Variants in VSNL1 observed in about 807,000 individuals in gnomAD.
VSNL1 encodes visinin like 1.
A neutral mutation model predicts 20.4 loss-of-function variants in VSNL1; 6 were observed. The observed-to-expected ratio is 0.29, with a 90% CI of 0.16 to 0.58. The LOEUF is 0.58. Among genes scored for constraint, VSNL1 ranks in the 20% least tolerant of loss-of-function variants. The pLI is 0.90. For synonymous variants in VSNL1, 93 were observed against 86.4 expected (o/e 1.08, Z -0.42); for missense variants, 100 against 234.5 (o/e 0.43, Z 3.75).
intron 2 of VSNL1, among the ~76,000 whole-genome samples, chr2:17,624,846 T>C (rs1003155648): frequency 2.6e-5 from 4 of 152,312 alleles, no homozygotes; most frequent in Middle Eastern, 3.4e-3. Flanking sequence ...GTCGAGGTAA[T>C]GTGTTACAGC....
chr2:17,633,109 C>T (rs113898340), intron 2 of VSNL1, among the ~76,000 whole-genome samples: 5,685 of 152,156 alleles, frequency 0.037, 386 homozygotes, highest in African/African-American at 0.13. Flanking sequence ...TGGCTGAAGG[C>T]GAATGAGGAG....
chr2:17,592,423 A>G (rs1025994482), intron 2 of VSNL1, among the ~76,000 whole-genome samples, 187 bp downstream of exon 2: 1 of 152,168 alleles, frequency 6.6e-6, no homozygotes, highest in Non-Finnish European at 1.5e-5. Flanking sequence ...AAAATAAGCA[A>G]TTTCTGAACA....
In VSNL1 at chr2:17,577,743, G is replaced by A. The variant is rs1033742224; in HGVS notation, c.-5-14327G>A. On this transcript the variant is annotated intron_variant, in intron 1 of 3. Coordinates refer to ENST00000295156, the MANE Select transcript of VSNL1 (RefSeq NM_003385.5). ...GGACCCCAGAGTTCCCTCACTTGGGGAAAAAAATGTTACATAAAGGCAGCA... is the reference window on the plus strand; with the variant it reads ...GGACCCCAGAGTTCCCTCACTTGGGAAAAAAAATGTTACATAAAGGCAGCA... Among the ~76,000 whole-genome samples, 69 of 152,086 alleles carry A rather than the reference G, an allele frequency of 4.5e-4. 1 individual carries two copies. The highest frequency in any genetic ancestry group is 8.2e-4 in the Non-Finnish European group (56 of 67,990).
intron 2 of VSNL1, among the ~76,000 whole-genome samples, chr2:17,620,465 C>A (rs561909996): frequency 1.3e-5 from 2 of 152,334 alleles, no homozygotes; most frequent in African/African-American, 4.8e-5. Context: ...CCTCCTCATT[C>A]TCAGGGAAGA....
chr2:17,572,174 A>G (rs757697089), intron 1 of VSNL1, among the ~76,000 whole-genome samples: 1 of 152,208 alleles, frequency 6.6e-6, no homozygotes, highest in Non-Finnish European at 1.5e-5. Flanking sequence ...AAATTATACA[A>G]TCTTTCTGTG....
At chr2:17,548,621 G>A (rs1663453934) in intron 1 of VSNL1, among the ~76,000 whole-genome samples, 1 of 152,056 alleles carries the variant, frequency 6.6e-6, no homozygotes, top group Non-Finnish European at 1.5e-5. Context: ...TTCTCCCCCT[G>A]CACACCCCAA....
chr2:17,642,116 A>T (rs980899673), intron 2 of VSNL1, among the ~76,000 whole-genome samples: 1 of 152,106 alleles, frequency 6.6e-6, no homozygotes, highest in African/African-American at 2.4e-5. Context: ...ACACCCAGAT[A>T]CTCTGTCACT....
At chr2:17,547,056 T>G (rs1663420884) in intron 1 of VSNL1, among the ~76,000 whole-genome samples, 3 of 152,068 alleles carry the variant, frequency 2.0e-5, no homozygotes, top group Non-Finnish European at 4.4e-5. Context: ...TTTCCTCATT[T>G]TTAGTTTGTG....
chr2:17,642,107 C>T (rs971098526), intron 2 of VSNL1, among the ~76,000 whole-genome samples: 1 of 152,168 alleles, frequency 6.6e-6, no homozygotes. Context: ...ACCTTAGTCA[C>T]ACCCAGATAC....
At chr2:17,548,149 C>T (rs1174392176) in intron 1 of VSNL1, among the ~76,000 whole-genome samples, 2 of 152,018 alleles carry the variant, frequency 1.3e-5, no homozygotes, top group Non-Finnish European at 2.9e-5. Context: ...AGAAAAGATA[C>T]CTTCCAACTG....
intron 2 of VSNL1, among the ~76,000 whole-genome samples, chr2:17,632,603 A>C (rs1665661712): frequency 6.6e-6 from 1 of 152,166 alleles, no homozygotes; most frequent in South Asian, 2.1e-4. Context: ...CTGGCCAAAC[A>C]ATGATCACTC....
At chr2:17,586,739 A>G (rs1664483209) in intron 1 of VSNL1, among the ~76,000 whole-genome samples, 1 of 152,218 alleles carries the variant, frequency 6.6e-6, no homozygotes, top group South Asian at 2.1e-4. Flanking sequence ...GCCATGGGTC[A>G]TTATTAACCA....
At chr2:17,555,323 C>A (rs532577974) in intron 1 of VSNL1, among the ~76,000 whole-genome samples, 1 of 152,236 alleles carries the variant, frequency 6.6e-6, no homozygotes, top group South Asian at 2.1e-4. Flanking sequence ...CCTGCAATTG[C>A]CCAAAAGTCC....
intron 1 of VSNL1, among the ~76,000 whole-genome samples, chr2:17,544,444 C>T (rs1011455185): frequency 1.3e-5 from 2 of 152,126 alleles, no homozygotes; most frequent in Non-Finnish European, 2.9e-5. Flanking sequence ...CTAAGTGCCC[C>T]GCTTTGGTTT....
intron 1 of VSNL1, among the ~76,000 whole-genome samples, chr2:17,547,330 A>T (rs550931293): frequency 7.9e-5 from 12 of 152,200 alleles, no homozygotes; most frequent in Admixed American, 4.6e-4. Flanking sequence ...AATAATAGTT[A>T]TCCTTATCAT....
rs924723119 is a variant in VSNL1, at chr2:17,545,441, A to ATT, written c.-6+4527_-6+4528dup. On this transcript the variant is annotated intron_variant, in intron 1 of 3. Coordinates refer to ENST00000295156, the MANE Select transcript of VSNL1 (RefSeq NM_003385.5). Reference sequence around the variant, plus strand: ...CTCTTAATAAGTAAAAAGATAAAGTATTTTTACCTATTTACAAGAATAAGA... The same window carrying ATT: ...CTCTTAATAAGTAAAAAGATAAAGTATTTTTTTACCTATTTACAAGAATAAGA... 2.6e-5 allele frequency among the ~76,000 whole-genome samples: 4 copies of ATT among 152,268 alleles called. No homozygotes were observed. In the East Asian group the frequency reaches 5.8e-4, roughly 22 times the overall value.
intron 2 of VSNL1, among the ~76,000 whole-genome samples, chr2:17,627,367 GT>G (rs1407219901): frequency 1.9e-4 from 29 of 152,296 alleles, no homozygotes; most frequent in African/African-American, 6.5e-4. Flanking sequence ...CGCCCAAGGG[GT>G]TCACCTTGCC....
chr2:17,559,085 CT>C (rs1663752290), intron 1 of VSNL1, among the ~76,000 whole-genome samples: 1 of 151,990 alleles, frequency 6.6e-6, no homozygotes, highest in South Asian at 2.1e-4. Flanking sequence ...ACCTCATGAT[CT>C]AGTGTGGCGG....
chr2:17,577,013 G>C (rs1049367204), intron 1 of VSNL1, among the ~76,000 whole-genome samples: 3 of 152,290 alleles, frequency 2.0e-5, no homozygotes, highest in African/African-American at 4.8e-5. Flanking sequence ...ATACCTAGAC[G>C]GCATAGCCTA....
Sources: gnomAD v4.1 joint callset for allele counts (sites outside exome capture counted in the v4.1 genomes callset) on GRCh38, gnomAD v4.1.1 for gene constraint, MANE v1.5 for transcripts, NCBI Gene and HGNC (gene_info 2026-07-23, HGNC 2026-07-21) for gene names.